Variants in VPS13A observed in about 807,000 individuals in gnomAD.
VPS13A encodes the protein intermembrane lipid transfer protein VPS13A.
VPS13A carries 264 observed loss-of-function variants against 390.9 expected under a neutral mutation model. That is an observed-to-expected ratio of 0.68 (90% CI 0.61 to 0.75). The LOEUF (loss-of-function observed/expected upper bound fraction) is 0.75. Ranked by LOEUF, VPS13A falls within the 30% of genes least tolerant of loss-of-function variation. The probability of loss-of-function intolerance (pLI) is 0.00; values close to 1 mark genes in which losing one functional copy is unlikely to be tolerated. For missense variants in VPS13A, 3,409 were observed against 3,733.9 expected (o/e 0.91, Z 2.27); for synonymous variants, 1,231 against 1,227.1 (o/e 1.00, Z -0.07).
chr9:77,236,602 A>G (rs1824162021), intron 17 of VPS13A, among the ~76,000 whole-genome samples: 1 of 152,224 alleles, frequency 6.6e-6, no homozygotes, highest in South Asian at 2.1e-4. Flanking sequence ...ATTTGGAAAT[A>G]GCCTTTGCAG....
intron 1 of VPS13A, 134 bp downstream of exon 1, chr9:77,177,938 T>C (rs1440601340): frequency 1.4e-6 from 1 of 719,436 alleles, no homozygotes. Flanking sequence ...CGCCCGCCTG[T>C]GGGTCAAGTT....
chr9:77,349,931 A>G (rs1011871781), intron 52 of VPS13A, among the ~76,000 whole-genome samples: 1 of 152,276 alleles, frequency 6.6e-6, no homozygotes, highest in South Asian at 2.1e-4. Context: ...GGCATGAACC[A>G]CCGCGCCCAG....
At chr9:77,369,055 C>T (rs548927842) in intron 62 of VPS13A, among the ~76,000 whole-genome samples, 8 of 152,132 alleles carry the variant, frequency 5.3e-5, no homozygotes, top group African/African-American at 1.9e-4. Flanking sequence ...TGCTTGAACC[C>T]GTGAGGCAGA....
At chr9:77,253,535 G>T (rs1354790085) in intron 22 of VPS13A, among the ~76,000 whole-genome samples, 1 of 152,110 alleles carries the variant, frequency 6.6e-6, no homozygotes. Flanking sequence ...TTGATCTCCT[G>T]ACCTTGTGAT....
At position 77,411,274 on chromosome 9, in the gene VPS13A, G is replaced by C. The variant is rs556680639; in HGVS notation, c.9474+3667G>C. On this transcript the variant is annotated intron_variant, in intron 71 of 71. Coordinates refer to ENST00000360280, the MANE Select transcript of VPS13A (RefSeq NM_033305.3). Reference sequence around the variant, plus strand: ...AGACACAACATAGCAGAATCTCTGGGACACATTCAAAGCAGTGTGTAGAGG... The same window carrying C: ...AGACACAACATAGCAGAATCTCTGGCACACATTCAAAGCAGTGTGTAGAGG... Among the ~76,000 whole-genome samples the C allele has an allele frequency of 1.8e-3, 281 of 152,208 alleles. 1 individual carries two copies. The highest frequency in any genetic ancestry group is 6.4e-3 in the African/African-American group (266 of 41,530).
At chr9:77,366,948 A>C in intron 61 of VPS13A, 76 bp downstream of exon 61, 2 of 1,504,900 alleles carry the variant, frequency 1.3e-6, no homozygotes, top group African/African-American at 1.4e-5. Flanking sequence ...TCGTAAATGA[A>C]AAAGTGTGTG....
At chr9:77,275,441 A>G (rs1826596817) in intron 24 of VPS13A, 57 bp from the exon 25 acceptor site, 2 of 1,514,766 alleles carry the variant, frequency 1.3e-6, no homozygotes, top group East Asian at 4.5e-5. Context: ...TTCTATTGAA[A>G]TACTGTTAAA....
chr9:77,265,711 C>T (rs1366437544), intron 23 of VPS13A, among the ~76,000 whole-genome samples: 1 of 152,036 alleles, frequency 6.6e-6, no homozygotes. Flanking sequence ...GGCTAGCAGT[C>T]TATGTATTTT....
In VPS13A at chr9:77,358,403, C is replaced by G; in HGVS notation, c.8000C>G (p.Pro2667Arg). The G allele has an allele frequency of 6.2e-7, 1 of 1,613,392 alleles. No homozygotes were observed. The highest frequency in any genetic ancestry group is 8.5e-7 in the Non-Finnish European group (1 of 1,179,830). The change falls in exon 57 of 72, where the codon CCT becomes CGT. Residue 2667 changes from proline to arginine, a missense_variant. This residue lies in a region of VPS13A where 221 missense variants were observed against 300.7 expected (regional missense o/e 0.73). Coordinates refer to ENST00000360280, the MANE Select transcript of VPS13A (RefSeq NM_033305.3). ...HGAVFPFVFY[P>R]VKPPKSVTMD... ...GCTGTATTTCCCTTTGTGTTTTATC[C>G]TGTTAAACCTCCAAAGTCGGTCACC...
At chr9:77,184,903 T>C (rs139075832) in intron 1 of VPS13A, among the ~76,000 whole-genome samples, 3 of 152,326 alleles carry the variant, frequency 2.0e-5, no homozygotes, top group African/African-American at 7.2e-5. Flanking sequence ...TACTTTGCTC[T>C]GTCCATCTCT....
Position 77,370,507 on chromosome 9 carries a change from A to C in VPS13A, c.8836A>C (p.Arg2946=), listed in dbSNP as rs747809346. ...TMDEDYQQKR[R]EAMNKQPAGF... is the part of the protein sequence containing the mutation. Reference sequence around the variant, plus strand: ...GGATGAAGACTACCAACAGAAGAGAAGAGAAGCCATGAATAAGCAACCAGC... The same window carrying C: ...GGATGAAGACTACCAACAGAAGAGACGAGAAGCCATGAATAAGCAACCAGC... The change falls in exon 65 of 72, where the codon AGA becomes CGA. Residue 2946 remains arginine (R), a synonymous_variant. Transcript: ENST00000360280. The C allele has an allele frequency of 6.2e-7, 1 of 1,614,196 alleles. No individual in the cohort carries two copies. Among genetic ancestry groups the C allele is most frequent in the Admixed American group, 1.7e-5 (1 of 60,028 alleles).
intron 23 of VPS13A, 125 bp downstream of exon 23, chr9:77,260,349 T>C: frequency 1.2e-6 from 1 of 831,680 alleles, no homozygotes; most frequent in South Asian, 1.9e-5. Context: ...TTAAGAAAAT[T>C]ACTTTTTTTT....
intron 68 of VPS13A, chr9:77,385,041 G>C: frequency 2.0e-6 from 2 of 1,015,386 alleles, no homozygotes; most frequent in Non-Finnish European, 2.4e-6. Flanking sequence ...TTTTTTTAAT[G>C]GTCTCTGTAA....
At chr9:77,403,442 G>T (rs1379820379) in intron 69 of VPS13A, 121 bp downstream of exon 69, 6 of 837,730 alleles carry the variant, frequency 7.2e-6, no homozygotes, top group Non-Finnish European at 1.2e-5. Flanking sequence ...GGGTCTTCTT[G>T]CTCCACAAGC....
At chr9:77,247,547 A>G in intron 20 of VPS13A, 152 bp downstream of exon 20, 1 of 887,242 alleles carries the variant, frequency 1.1e-6, no homozygotes, top group Non-Finnish European at 1.7e-6. Context: ...TTTCTGTTAA[A>G]TAAAGTGAAG....
At chr9:77,336,144 G>A (rs182111623) in intron 46 of VPS13A, among the ~76,000 whole-genome samples, 40 of 152,260 alleles carry the variant, frequency 2.6e-4, no homozygotes, top group Admixed American at 4.6e-4. Flanking sequence ...ATAAGTGGGA[G>A]TTGAACAAGG....
chr9:77,377,586 T>C (rs1406468187), intron 67 of VPS13A, among the ~76,000 whole-genome samples: 1 of 152,226 alleles, frequency 6.6e-6, no homozygotes, highest in Admixed American at 6.5e-5. Flanking sequence ...TTTGAGTTTC[T>C]GCAATCTTAC....
intron 5 of VPS13A, among the ~76,000 whole-genome samples, chr9:77,207,213 T>TTATATATA (rs61703004): frequency 0.042 from 1,778 of 42,770 alleles, 88 homozygotes; most frequent in Non-Finnish European, 0.063. Flanking sequence ...TATTTAGATA[T>TTATATATA]TATATATATA....
At chr9:77,243,332 A>G (rs1224353865) in intron 19 of VPS13A, among the ~76,000 whole-genome samples, 1 of 152,162 alleles carries the variant, frequency 6.6e-6, no homozygotes, top group African/African-American at 2.4e-5. Flanking sequence ...TCTAAGCAGC[A>G]TTTTCTGTGA....
Sources: allele counts gnomAD v4.1 joint callset (sites outside exome capture counted in the v4.1 genomes callset), GRCh38; gene constraint gnomAD v4.1.1; regional missense constraint gnomAD v4.1.1; transcripts MANE v1.5; gene names NCBI Gene and HGNC (gene_info 2026-07-23, HGNC 2026-07-21).